The following LINGO2 variants were observed in gnomAD, a reference collection of about 807,000 sequenced individuals.
LINGO2 encodes the protein leucine-rich repeat and immunoglobulin-like domain-containing nogo receptor-interacting protein 2.
In LINGO2, 14 loss-of-function variants were observed where a neutral mutation model predicts 30.6. The ratio of observed to expected loss-of-function variants is 0.46; its 90% CI spans 0.30 to 0.72. The LOEUF (loss-of-function observed/expected upper bound fraction) is 0.72. Ranked by LOEUF, LINGO2 falls within the 30% of genes least tolerant of loss-of-function variation. The pLI is 0.07. For missense variants in LINGO2, 729 were observed against 751.7 expected (o/e 0.97, Z 0.35); for synonymous variants, 317 against 288.5 (o/e 1.10, Z -1.00).
At chr9:28,119,732 A>T (rs967737025) in intron 4 of LINGO2, among the ~76,000 whole-genome samples, 3 of 152,176 alleles carry the variant, frequency 2.0e-5, no homozygotes, top group Non-Finnish European at 2.9e-5. Context: ...AATATTACAG[A>T]GGGCTTGGTT....
the LINGO2 span, among the ~76,000 whole-genome samples, chr9:29,176,563 CTG>C: frequency 6.6e-6 from 1 of 152,212 alleles, no homozygotes; most frequent in Non-Finnish European, 1.5e-5. Context: ...ATTATGCAAA[CTG>C]TGCTTAATCT....
At chr9:29,203,101 AT>A in the LINGO2 span, among the ~76,000 whole-genome samples, 1 of 152,128 alleles carries the variant, frequency 6.6e-6, no homozygotes, top group Admixed American at 6.6e-5. Flanking sequence ...CTTCCACTTA[AT>A]TTAATCATCT....
At chr9:28,117,512 C>A (rs1476469342) in intron 4 of LINGO2, among the ~76,000 whole-genome samples, 1 of 84,140 alleles carries the variant, frequency 1.2e-5, no homozygotes, top group African/African-American at 4.7e-5. Context: ...CCCCCAGCCT[C>A]GTTGCCGCCT....
chr9:28,519,525 C>A (rs1026799235), intron 1 of LINGO2, among the ~76,000 whole-genome samples: 3 of 152,158 alleles, frequency 2.0e-5, no homozygotes, highest in African/African-American at 7.2e-5. Context: ...CTCAACAAAT[C>A]ATTCCTATCC....
chr9:29,034,000 T>A, the LINGO2 span, among the ~76,000 whole-genome samples: 1 of 151,946 alleles, frequency 6.6e-6, no homozygotes, highest in African/African-American at 2.4e-5. Flanking sequence ...GAGAATCACT[T>A]GAACCCAGGT....
chr9:28,575,563 C>T (rs1193466385), intron 1 of LINGO2, among the ~76,000 whole-genome samples: 1 of 151,876 alleles, frequency 6.6e-6, no homozygotes, highest in Non-Finnish European at 1.5e-5. Context: ...GAGGTGGGGG[C>T]AAGGGTTGAA....
chr9:28,821,536 G>T, the LINGO2 span, among the ~76,000 whole-genome samples: 1 of 152,178 alleles, frequency 6.6e-6, no homozygotes, highest in Non-Finnish European at 1.5e-5. Context: ...GATGCCTCCA[G>T]CTGTAGCTGC....
intron 3 of LINGO2, among the ~76,000 whole-genome samples, chr9:28,311,570 G>T (rs1241945866): frequency 6.6e-6 from 1 of 152,132 alleles, no homozygotes; most frequent in East Asian, 1.9e-4. Flanking sequence ...CTGAGAAAAA[G>T]AATTCAGCGA....
At chr9:29,160,647 T>C in the LINGO2 span, among the ~76,000 whole-genome samples, 7 of 152,346 alleles carry the variant, frequency 4.6e-5, no homozygotes, top group Admixed American at 6.5e-5. Flanking sequence ...AAGTTACATA[T>C]AGATTTGATT....
chr9:28,004,134 T>G (rs965951597), intron 5 of LINGO2, among the ~76,000 whole-genome samples: 1 of 152,192 alleles, frequency 6.6e-6, no homozygotes, highest in Non-Finnish European at 1.5e-5. Context: ...AATTGGCCCC[T>G]TATTAATCTA....
the LINGO2 span, among the ~76,000 whole-genome samples, chr9:29,174,608 T>C: frequency 2.6e-4 from 39 of 152,330 alleles, 1 homozygote; most frequent in African/African-American, 8.2e-4. Context: ...TTATGTCTTA[T>C]GGGAACAGAA....
the LINGO2 span, among the ~76,000 whole-genome samples, chr9:29,118,827 C>T: frequency 6.6e-6 from 1 of 152,166 alleles, no homozygotes. Context: ...CGGGCCCACG[C>T]TATCCAGACT....
the LINGO2 span, among the ~76,000 whole-genome samples, chr9:28,899,818 T>G: frequency 0.9 from 137,515 of 152,212 alleles, 62,333 homozygotes; most frequent in Non-Finnish European, 0.94. Flanking sequence ...GGCCAGGCTG[T>G]TCCCTGTTGC....
intron 1 of LINGO2, among the ~76,000 whole-genome samples, chr9:28,590,577 T>C (rs1460408482): frequency 6.6e-6 from 1 of 152,064 alleles, no homozygotes; most frequent in Admixed American, 6.5e-5. Context: ...TCACTGGCCA[T>C]CAGAGAAATG....
chr9:28,003,386 T>C (rs200936693), intron 5 of LINGO2, among the ~76,000 whole-genome samples: 2 of 134,878 alleles, frequency 1.5e-5, no homozygotes, highest in African/African-American at 3.0e-5. Flanking sequence ...TAGATAGATA[T>C]AGAGAGAGAG....
the LINGO2 span, among the ~76,000 whole-genome samples, chr9:29,095,284 G>C: frequency 7.2e-6 from 1 of 138,704 alleles, no homozygotes; most frequent in Non-Finnish European, 1.6e-5. Flanking sequence ...ATTCCAATAA[G>C]AGTAAATTTT....
the LINGO2 span, among the ~76,000 whole-genome samples, chr9:29,080,541 G>C: frequency 1.3e-5 from 2 of 152,008 alleles, no homozygotes; most frequent in Non-Finnish European, 2.9e-5. Flanking sequence ...ATGTTAGCGT[G>C]TCAATTTTAG....
chr9:28,207,287 A>C (rs1820441409), intron 4 of LINGO2, among the ~76,000 whole-genome samples: 1 of 152,120 alleles, frequency 6.6e-6, no homozygotes, highest in Non-Finnish European at 1.5e-5. Flanking sequence ...TAGTCAATTG[A>C]AGTAATCACA....
chr9:28,860,425 C>T, the LINGO2 span, among the ~76,000 whole-genome samples: 1 of 151,970 alleles, frequency 6.6e-6, no homozygotes, highest in Admixed American at 6.6e-5. Context: ...AATAATTTTG[C>T]CAGAAGATTA....
Sources: gnomAD v4.1 joint callset for allele counts (sites outside exome capture counted in the v4.1 genomes callset) on GRCh38, gnomAD v4.1.1 for gene constraint, MANE v1.5 for transcripts, NCBI Gene and HGNC (gene_info 2026-07-23, HGNC 2026-07-21) for gene names.